Variants in PPA2 observed in about 807,000 individuals in gnomAD.
PPA2 encodes the protein inorganic pyrophosphatase 2, mitochondrial.
A neutral mutation model predicts 49.5 loss-of-function variants in PPA2; 48 were observed. That is an observed-to-expected ratio of 0.97 (90% confidence interval 0.77 to 1.23). The LOEUF is 1.23. Ranked by LOEUF, PPA2 falls within the 50% of genes most tolerant of loss-of-function variation. PPA2 has a pLI of 0.00. For synonymous variants in PPA2, 131 were observed against 139.9 expected (o/e 0.94, Z 0.45); for missense variants, 429 against 410.1 (o/e 1.05, Z -0.40).
intron 7 of PPA2, among the ~76,000 whole-genome samples, chr4:105,409,315 A>T (rs72964288): frequency 0.036 from 5,440 of 152,294 alleles, 326 homozygotes; most frequent in African/African-American, 0.12. Context: ...GCAGTCTAAG[A>T]TCGGCCTGTG....
intron 1 of PPA2, among the ~76,000 whole-genome samples, chr4:105,460,841 A>AT (rs1433482788): frequency 1.3e-5 from 2 of 151,962 alleles, no homozygotes; most frequent in Non-Finnish European, 2.9e-5. Context: ...CCCAATACTT[A>AT]TTAAGATGTA....
At chr4:105,373,074 A>G (rs1733092542) in intron 10 of PPA2, among the ~76,000 whole-genome samples, 1 of 152,260 alleles carries the variant, frequency 6.6e-6, no homozygotes, top group African/African-American at 2.4e-5. Flanking sequence ...TCTGGGCTCA[A>G]ACTTTCCTCC....
chr4:105,438,074 T>C, intron 5 of PPA2, 38 bp from the exon 6 acceptor site: 1 of 1,365,140 alleles, frequency 7.3e-7, no homozygotes, highest in South Asian at 1.3e-5. Flanking sequence ...GAAATGTAAG[T>C]TAATACTATA....
At chr4:105,464,359 T>C (rs11934459) in intron 1 of PPA2, among the ~76,000 whole-genome samples, 4,764 of 152,354 alleles carry the variant, frequency 0.031, 128 homozygotes, top group African/African-American at 0.071. Flanking sequence ...CCCCATTGTA[T>C]CTAAGAAGTA....
chr4:105,389,737 G>A (rs1157314582), intron 9 of PPA2, among the ~76,000 whole-genome samples: 2 of 152,132 alleles, frequency 1.3e-5, no homozygotes, highest in African/African-American at 4.8e-5. Flanking sequence ...CCACACTTAT[G>A]AGAATCCTCA....
At chr4:105,471,817 A>G (rs558628044) in intron 1 of PPA2, among the ~76,000 whole-genome samples, 1 of 152,248 alleles carries the variant, frequency 6.6e-6, no homozygotes, top group African/African-American at 2.4e-5. Context: ...TCCAATCAGG[A>G]TCTTACCATC....
intron 1 of PPA2, among the ~76,000 whole-genome samples, chr4:105,472,661 G>A (rs898824221): frequency 1.3e-5 from 2 of 152,248 alleles, no homozygotes; most frequent in South Asian, 4.2e-4. Flanking sequence ...GTGGCATAGG[G>A]TGAAAACTGC....
At chr4:105,383,023 T>C (rs1733550014) in intron 10 of PPA2, among the ~76,000 whole-genome samples, 1 of 152,012 alleles carries the variant, frequency 6.6e-6, no homozygotes, top group African/African-American at 2.4e-5. Context: ...ATAATAATAA[T>C]TGAGTGGTCC....
intron 5 of PPA2, among the ~76,000 whole-genome samples, chr4:105,438,970 T>C (rs1032012294): frequency 2.6e-5 from 4 of 152,042 alleles, no homozygotes; most frequent in African/African-American, 9.7e-5. Context: ...CTTCTAGTAC[T>C]AATTAGTTTA....
intron 7 of PPA2, among the ~76,000 whole-genome samples, chr4:105,414,310 C>A (rs1722900492): frequency 6.6e-6 from 1 of 152,246 alleles, no homozygotes; most frequent in Non-Finnish European, 1.5e-5. Context: ...CCACAGGATT[C>A]TTCAGCTGTC....
At chr4:105,458,555 T>C (rs900231905) in intron 1 of PPA2, among the ~76,000 whole-genome samples, 34 of 152,070 alleles carry the variant, frequency 2.2e-4, no homozygotes, top group Non-Finnish European at 4.0e-4. Flanking sequence ...CCGGGCACGA[T>C]GGCTCACGCT....
chr4:105,412,505 G>A (rs1289746910), intron 7 of PPA2, among the ~76,000 whole-genome samples: 2 of 152,140 alleles, frequency 1.3e-5, no homozygotes, highest in Admixed American at 6.5e-5. Context: ...TTAAACTAAA[G>A]AGCTTCTGCA....
At chr4:105,406,588 C>A (rs1578827161) in intron 7 of PPA2, among the ~76,000 whole-genome samples, 2 of 152,156 alleles carry the variant, frequency 1.3e-5, no homozygotes, top group African/African-American at 4.8e-5. Flanking sequence ...ACATTATACA[C>A]TAGTAACAAG....
Position 105,370,525 on chromosome 4 carries a change from T to C in PPA2, c.976+312A>G, listed in dbSNP as rs35206705. The C allele has an allele frequency of 0.099, 84,681 of 851,284 alleles. 5,050 individuals carry two copies. The highest frequency in any genetic ancestry group is 0.42 in the East Asian group (3,414 of 8,036). 52.7% of individuals were successfully genotyped at this position (851,284 alleles called of 1,614,324 possible). Reference sequence around the variant, plus strand: ...GATAAATATCTAAATGTAAGAGTTTTTTTTTAATTAAATCTTTTAAAATTA... The same window carrying C: ...GATAAATATCTAAATGTAAGAGTTTCTTTTTAATTAAATCTTTTAAAATTA... On this transcript the variant is annotated intron_variant, in intron 11 of 11. Coordinates refer to ENST00000341695, the MANE Select transcript of PPA2 (RefSeq NM_176869.3).
At chr4:105,461,414 G>A (rs889589428) in intron 1 of PPA2, among the ~76,000 whole-genome samples, 27 of 152,206 alleles carry the variant, frequency 1.8e-4, no homozygotes, top group Admixed American at 6.5e-4. Flanking sequence ...AGGAGGGAAC[G>A]CTGGTCAGTT....
At chr4:105,439,970 T>C (rs1305977444) in intron 5 of PPA2, among the ~76,000 whole-genome samples, 2 of 151,570 alleles carry the variant, frequency 1.3e-5, no homozygotes, top group African/African-American at 4.9e-5. Context: ...TTGCTGAGAA[T>C]GATAATCTTA....
intron 7 of PPA2, among the ~76,000 whole-genome samples, chr4:105,404,853 G>A (rs557198200): frequency 7.2e-5 from 11 of 152,062 alleles, no homozygotes; most frequent in South Asian, 6.2e-4. Context: ...AGGCCGAGGC[G>A]GGCAGATCAC....
rs552875731 is a variant in PPA2 at position 105,432,596 on chromosome 4, C to A, written c.528+5354G>T. On this transcript the variant is annotated intron_variant, in intron 6 of 11. Coordinates refer to ENST00000341695, the MANE Select transcript of PPA2 (RefSeq NM_176869.3). ...TTCTCACAAGTATTAGCAGTAGAGG[C>A]AGAAGGGGATAGGGCAAGCTTGTCC... 2.4e-4 allele frequency among the ~76,000 whole-genome samples: 36 copies of A among 152,250 alleles called. 1 individual carries two copies. In the South Asian group the frequency reaches 3.5e-3, roughly 15 times the overall value.
At chr4:105,416,868 A>G (rs1723035184) in intron 7 of PPA2, among the ~76,000 whole-genome samples, 1 of 152,218 alleles carries the variant, frequency 6.6e-6, no homozygotes, top group Non-Finnish European at 1.5e-5. Context: ...TGTACTAAAA[A>G]TGTGTATTAA....
Sources: gnomAD v4.1 joint callset for allele counts (sites outside exome capture counted in the v4.1 genomes callset) on GRCh38, gnomAD v4.1.1 for gene constraint, MANE v1.5 for transcripts, NCBI Gene and HGNC (gene_info 2026-07-23, HGNC 2026-07-21) for gene names.